The following EXOC4 variants were observed in gnomAD, a reference collection of about 807,000 sequenced individuals.
EXOC4 encodes the protein exocyst complex component 4, also known as SEC8-like 1.
Under a neutral mutation model 107.2 loss-of-function variants are expected in EXOC4, and 71 were observed. The observed-to-expected ratio is 0.66, with a 90% CI of 0.55 to 0.81. The LOEUF (loss-of-function observed/expected upper bound fraction) is 0.81, where lower values mean the gene tolerates loss of function less well. Ranked by LOEUF, EXOC4 falls within the 30% of genes least tolerant of loss-of-function variation. The pLI is 0.00. For synonymous variants in EXOC4, 456 were observed against 441.2 expected (o/e 1.03, Z -0.42); for missense variants, 1,108 against 1,189.6 (o/e 0.93, Z 1.01).
intron 9 of EXOC4, among the ~76,000 whole-genome samples, chr7:133,516,104 T>C (rs1799870272): frequency 6.6e-6 from 1 of 152,202 alleles, no homozygotes; most frequent in Admixed American, 6.5e-5. Context: ...AGGTGGATAA[T>C]ATGACAGTCT....
At chr7:133,853,984 TTGAC>T (rs778213033) in intron 11 of EXOC4, among the ~76,000 whole-genome samples, 11 of 152,114 alleles carry the variant, frequency 7.2e-5, no homozygotes, top group African/African-American at 1.7e-4. Flanking sequence ...GTCAAAAACA[TTGAC>T]TGTTTCCATT....
At chr7:133,804,541 G>C (rs1161942408) in intron 10 of EXOC4, among the ~76,000 whole-genome samples, 1 of 152,154 alleles carries the variant, frequency 6.6e-6, no homozygotes, top group Non-Finnish European at 1.5e-5. Flanking sequence ...TATATTAAAT[G>C]TAATGAAATC....
chr7:133,993,751 C>G (rs1794314000), intron 14 of EXOC4, among the ~76,000 whole-genome samples: 1 of 152,138 alleles, frequency 6.6e-6, no homozygotes, highest in South Asian at 2.1e-4. Context: ...GAAGATGATG[C>G]AACTTCAGAT....
At chr7:133,404,393 G>A (rs1336638378) in intron 7 of EXOC4, among the ~76,000 whole-genome samples, 5 of 152,046 alleles carry the variant, frequency 3.3e-5, no homozygotes, top group Admixed American at 2.0e-4. Context: ...GTGAGCCACC[G>A]CGCCCAGCCC....
intron 17 of EXOC4, among the ~76,000 whole-genome samples, chr7:134,024,601 T>A (rs1370018017): frequency 6.6e-6 from 1 of 152,218 alleles, no homozygotes; most frequent in African/African-American, 2.4e-5. Context: ...CTTGTCCATT[T>A]TTGGCTACCC....
At chr7:133,659,910 G>A (rs185462249) in intron 10 of EXOC4, among the ~76,000 whole-genome samples, 5 of 152,246 alleles carry the variant, frequency 3.3e-5, no homozygotes, top group South Asian at 4.1e-4. Context: ...CTTCATTTAC[G>A]TGGATAATTC....
At chr7:133,371,875 T>C (rs1465890297) in intron 6 of EXOC4, among the ~76,000 whole-genome samples, 1 of 152,238 alleles carries the variant, frequency 6.6e-6, no homozygotes, top group Non-Finnish European at 1.5e-5. Context: ...TTCCAATTTC[T>C]CTGCATCCTT....
intron 1 of EXOC4, among the ~76,000 whole-genome samples, chr7:133,270,681 C>G (rs1793847283): frequency 6.6e-6 from 1 of 152,120 alleles, no homozygotes; most frequent in African/African-American, 2.4e-5. Context: ...TAAAGCTGTT[C>G]AAAATTGCAG....
chr7:133,645,364 T>C (rs1802965063), intron 10 of EXOC4, among the ~76,000 whole-genome samples: 1 of 151,686 alleles, frequency 6.6e-6, no homozygotes, highest in South Asian at 2.1e-4. Flanking sequence ...AGTGCTAGGA[T>C]TACAGGCATG....
chr7:134,097,879 G>A, the EXOC4 span, among the ~76,000 whole-genome samples: 1 of 152,126 alleles, frequency 6.6e-6, no homozygotes, highest in South Asian at 2.1e-4. Context: ...AATGGTCCTG[G>A]AAATCCGACT....
intron 15 of EXOC4, among the ~76,000 whole-genome samples, chr7:133,999,044 G>A (rs936182555): frequency 1.3e-5 from 2 of 152,070 alleles, no homozygotes; most frequent in African/African-American, 2.4e-5. Context: ...GGAGAAGGGT[G>A]GAAATCAAGT....
chr7:133,765,995 G>T (rs1471341468), intron 10 of EXOC4, among the ~76,000 whole-genome samples: 1 of 151,952 alleles, frequency 6.6e-6, no homozygotes, highest in South Asian at 2.1e-4. Context: ...CGAAAGTGAG[G>T]ATGATATCTG....
intron 9 of EXOC4, among the ~76,000 whole-genome samples, chr7:133,502,812 T>C (rs964314403): frequency 6.6e-6 from 1 of 152,178 alleles, no homozygotes; most frequent in African/African-American, 2.4e-5. Context: ...TCCTCTTAAT[T>C]TGGACATCTA....
chr7:133,288,433 G>A (rs1794330099), intron 2 of EXOC4, among the ~76,000 whole-genome samples: 1 of 152,040 alleles, frequency 6.6e-6, no homozygotes, highest in African/African-American at 2.4e-5. Flanking sequence ...TTGGAAGCTG[G>A]GGTTACTTTT....
chr7:133,705,470 C>T (rs992072962), intron 10 of EXOC4, among the ~76,000 whole-genome samples: 3 of 152,160 alleles, frequency 2.0e-5, no homozygotes, highest in Non-Finnish European at 4.4e-5. Flanking sequence ...ACTATAGTTA[C>T]TAAACAAATA....
chr7:133,764,404 A>G (rs1364778275), intron 10 of EXOC4, among the ~76,000 whole-genome samples: 1 of 152,094 alleles, frequency 6.6e-6, no homozygotes. Context: ...AGAAGGCTTC[A>G]TGAATATTTT....
intron 9 of EXOC4, among the ~76,000 whole-genome samples, chr7:133,547,364 G>T (rs1299914034): frequency 2.6e-5 from 4 of 152,160 alleles, no homozygotes; most frequent in Non-Finnish European, 5.9e-5. Context: ...GCTGGTGGCG[G>T]GTCTTGCCTT....
intron 17 of EXOC4, among the ~76,000 whole-genome samples, chr7:134,051,439 GAGGC>G (rs1795784655): frequency 6.6e-6 from 1 of 151,972 alleles, no homozygotes; most frequent in Non-Finnish European, 1.5e-5. Context: ...TCGGGAGGCC[GAGGC>G]AGGTGGATCA....
chr7:133,274,937 A>G (rs1793953525), intron 1 of EXOC4, 45 bp from the exon 2 acceptor site: 16 of 1,388,366 alleles, frequency 1.2e-5, no homozygotes, highest in Non-Finnish European at 1.5e-5. Flanking sequence ...TTTGCATTTT[A>G]CTTTCAAGTT....
Sources: allele counts gnomAD v4.1 joint callset (sites outside exome capture counted in the v4.1 genomes callset), GRCh38; gene constraint gnomAD v4.1.1; transcripts MANE v1.5; gene names NCBI Gene and HGNC (gene_info 2026-07-23, HGNC 2026-07-21).